EPHA6: variants seen among roughly 807,000 people sequenced by gnomAD.
The protein encoded by EPHA6 is EPH receptor A6.
A neutral mutation model predicts 112.0 loss-of-function variants in EPHA6; 50 were observed. The ratio of observed to expected loss-of-function variants is 0.45; its 90% confidence interval spans 0.36 to 0.56. The LOEUF is 0.56. EPHA6 is among the 20% of genes least tolerant of loss of function. EPHA6 has a pLI of 0.00. For synonymous variants in EPHA6, 529 were observed against 490.7 expected, an observed-to-expected ratio of 1.08 and a Z score of -1.03; for missense variants, 1,280 against 1,417.4, an observed-to-expected ratio of 0.90 and a Z score of 1.56.
At chr3:97,484,813 C>T (rs964508342) in intron 10 of EPHA6, among the ~76,000 whole-genome samples, 6 of 152,192 alleles carry the variant, frequency 3.9e-5, no homozygotes, top group African/African-American at 1.4e-4. Flanking sequence ...ATGACCAAAG[C>T]TGGGTCACCA....
chr3:97,079,710 C>T (rs1356411427), intron 3 of EPHA6, among the ~76,000 whole-genome samples: 1 of 150,350 alleles, frequency 6.7e-6, no homozygotes, highest in Non-Finnish European at 1.5e-5. Flanking sequence ...TTGAATACTA[C>T]AAAGAAATTT....
At chr3:96,972,145 C>T (rs887020604) in intron 2 of EPHA6, among the ~76,000 whole-genome samples, 6 of 152,130 alleles carry the variant, frequency 3.9e-5, no homozygotes, top group African/African-American at 1.4e-4. Context: ...GATTCTATAT[C>T]TTTCAAATGG....
At chr3:97,650,813 C>A (rs770140338) in intron 14 of EPHA6, among the ~76,000 whole-genome samples, 2 of 145,004 alleles carry the variant, frequency 1.4e-5, no homozygotes, top group East Asian at 2.1e-4. Context: ...GCTGAGATTG[C>A]GCCACTGCAT....
At chr3:97,070,166 T>C (rs1165848821) in intron 3 of EPHA6, among the ~76,000 whole-genome samples, 1 of 152,174 alleles carries the variant, frequency 6.6e-6, no homozygotes, top group Non-Finnish European at 1.5e-5. Flanking sequence ...TTCAGAGCTT[T>C]TGTTATCAAC....
At chr3:97,260,447 C>T (rs1244898421) in intron 5 of EPHA6, among the ~76,000 whole-genome samples, 1 of 152,150 alleles carries the variant, frequency 6.6e-6, no homozygotes, top group Non-Finnish European at 1.5e-5. Context: ...AGACAATTTG[C>T]CCACAGAATT....
At chr3:97,388,749 G>C (rs541627854) in intron 5 of EPHA6, among the ~76,000 whole-genome samples, 1 of 152,106 alleles carries the variant, frequency 6.6e-6, no homozygotes, top group Admixed American at 6.6e-5. Context: ...GGGGGAAAAA[G>C]ATCCTCATCA....
intron 5 of EPHA6, among the ~76,000 whole-genome samples, chr3:97,395,906 A>G (rs970789536): frequency 6.6e-6 from 1 of 151,694 alleles, no homozygotes; most frequent in African/African-American, 2.4e-5. Flanking sequence ...AAGGTGGAAG[A>G]GTTAATTCTA....
At chr3:97,475,760 A>C (rs1417221571) in intron 8 of EPHA6, among the ~76,000 whole-genome samples, 1 of 152,158 alleles carries the variant, frequency 6.6e-6, no homozygotes, top group Non-Finnish European at 1.5e-5. Context: ...TAATTTTCTT[A>C]AAAAATATTT....
chr3:97,540,958 A>G (rs1195923935), intron 11 of EPHA6, among the ~76,000 whole-genome samples: 1 of 152,182 alleles, frequency 6.6e-6, no homozygotes, highest in Non-Finnish European at 1.5e-5. Flanking sequence ...CGCATCCAGG[A>G]ATTCAGGAGA....
At chr3:97,729,018 A>C (rs2034909006) in intron 15 of EPHA6, among the ~76,000 whole-genome samples, 1 of 152,098 alleles carries the variant, frequency 6.6e-6, no homozygotes, top group Non-Finnish European at 1.5e-5. Flanking sequence ...TCCAAAAAGA[A>C]AGGATGGAGA....
At chr3:97,330,659 A>C (rs952405870) in intron 5 of EPHA6, among the ~76,000 whole-genome samples, 3 of 152,122 alleles carry the variant, frequency 2.0e-5, no homozygotes, top group African/African-American at 7.2e-5. Context: ...AGGCTATTAC[A>C]TAATGGTAAA....
intron 3 of EPHA6, among the ~76,000 whole-genome samples, chr3:97,078,839 A>T (rs2046623650): frequency 6.6e-6 from 1 of 152,142 alleles, no homozygotes; most frequent in Non-Finnish European, 1.5e-5. Flanking sequence ...GTTTCTTGAG[A>T]TGTAATCTAC....
At chr3:97,481,513 G>C in intron 9 of EPHA6, 1 of 986,292 alleles carries the variant, frequency 1.0e-6, no homozygotes. Context: ...TTCCTCCGGC[G>C]CGGGGCTAAG....
intron 3 of EPHA6, among the ~76,000 whole-genome samples, chr3:97,187,675 GAGAAAGAAAGAAGGAAAGAAAGAA>G (rs1465530651): frequency 3.1e-4 from 24 of 77,110 alleles, no homozygotes; most frequent in South Asian, 2.4e-3. Context: ...AAGAAAGAAA[GAGAAAGAAAGAAGGAAAGAAAGAA>G]AGAAAGAAAG....
intron 11 of EPHA6, among the ~76,000 whole-genome samples, chr3:97,567,524 G>A (rs2093283061): frequency 6.6e-6 from 1 of 152,140 alleles, no homozygotes; most frequent in African/African-American, 2.4e-5. Context: ...AAGTTATGTT[G>A]ATGTCCTCCC....
In EPHA6 at chr3:96,869,695, A is replaced by G. The variant is rs191241767; in HGVS notation, c.450+2806A>G. Among the ~76,000 whole-genome samples the G allele has an allele frequency of 2.4e-3, 361 of 152,202 alleles. 2 individuals are homozygous for G. The highest frequency in any genetic ancestry group is 8.2e-3 in the African/African-American group (341 of 41,570). On this transcript the variant is annotated intron_variant, in intron 2 of 17. Coordinates refer to ENST00000389672, the MANE Select transcript of EPHA6 (RefSeq NM_001080448.3). ...TTTAAAACCTATGTTTAATGTGTAC[A>G]TAGTGGATGAGATCTTTGTTACATA...
In EPHA6 at chr3:96,941,943, G is replaced by A. The variant is rs562358732; in HGVS notation, c.451-45387G>A. 1.3e-4 allele frequency among the ~76,000 whole-genome samples: 20 copies of A among 152,264 alleles called. No individual in the cohort carries two copies. In the East Asian group the frequency reaches 3.3e-3, roughly 25 times the overall value. ...TGTAGAACAGCGGATTTTCATGAAC[G>A]CAAATGCTGCTGCCTGATCGTTGCT... On this transcript the variant is annotated intron_variant, in intron 2 of 17. Coordinates refer to ENST00000389672, the MANE Select transcript of EPHA6 (RefSeq NM_001080448.3).
chr3:97,155,129 G>A (rs1332223511), intron 3 of EPHA6, among the ~76,000 whole-genome samples: 8 of 152,036 alleles, frequency 5.3e-5, no homozygotes, highest in Non-Finnish European at 1.0e-4. Flanking sequence ...AATAGAATAT[G>A]TAAACATTAA....
chr3:97,655,171 GTTTT>G (rs1365082767), intron 14 of EPHA6, among the ~76,000 whole-genome samples: 1 of 149,604 alleles, frequency 6.7e-6, no homozygotes, highest in Admixed American at 6.7e-5. Context: ...ATGTTTTGGG[GTTTT>G]TTGTTTCTCT....
Sources: allele counts gnomAD v4.1 joint callset (sites outside exome capture counted in the v4.1 genomes callset), GRCh38; gene constraint gnomAD v4.1.1; transcripts MANE v1.5; gene names NCBI Gene and HGNC (gene_info 2026-07-23, HGNC 2026-07-21).